The following CFAP65 variants were observed in gnomAD, a reference collection of about 807,000 sequenced individuals.
CFAP65 encodes cilia and flagella associated protein 65.
CFAP65 carries 155 observed loss-of-function variants against 208.0 expected under a neutral mutation model. That is an observed-to-expected ratio of 0.75 (90% confidence interval 0.65 to 0.85). The LOEUF is 0.85. Among genes scored for constraint, CFAP65 ranks in the 40% least tolerant of loss-of-function variants. The pLI, the probability that CFAP65 is intolerant of heterozygous loss-of-function variation, is 0.00. For synonymous variants in CFAP65, 970 were observed against 986.3 expected (o/e 0.98, Z 0.31); for missense variants, 2,294 against 2,451.3 (o/e 0.94, Z 1.36).
chr2:219,031,083 G>A lies in CFAP65; in HGVS notation c.1015+23C>T. On this transcript the variant is annotated intron_variant, in intron 8 of 34. Transcript: ENST00000341552. The surrounding 1 kb of genome is among the most constrained non-coding windows in gnomAD (Gnocchi z 5.2). ...AAGGTGCAGGAGGGGCCAGTCTGGG[G>A]ACGGTGGGAGGTTGGGCCTCACCCA... The A allele has an allele frequency of 6.4e-7, 1 of 1,564,886 alleles. No individual in the cohort carries two copies. Among genetic ancestry groups the A allele is most frequent in the South Asian group, 1.2e-5 (1 of 85,388 alleles).
In CFAP65 at chr2:219,023,301, A is replaced by C; in HGVS notation, c.2726T>G (p.Leu909Arg). ...GACCCTCCACTCGAACTGCAGGGGC[A>C]GACGCGAGGGGTTGCGGAAGGTGAA... ...SPFTFRNPSR[L>R]PLQFEWRVSE... The change falls in exon 16 of 35, where the codon CTG becomes CGG. Residue 909 changes from leucine (L) to arginine (R), a missense_variant. Transcript: ENST00000341552. 1 of 1,613,396 alleles carries C rather than the reference A, an allele frequency of 6.2e-7. No homozygotes were observed. The highest frequency in any genetic ancestry group is 8.5e-7 in the Non-Finnish European group (1 of 1,179,888).
chr2:219,026,334 G>A (rs996306332), intron 13 of CFAP65, among the ~76,000 whole-genome samples, 175 bp from the exon 14 acceptor site: 6 of 152,140 alleles, frequency 3.9e-5, no homozygotes, highest in South Asian at 2.1e-4. Context: ...CCCCTCCTGC[G>A]GGGAGCTAGG....
chr2:219,021,315 GA>G, intron 18 of CFAP65, 35 bp from the exon 19 acceptor site: 1 of 1,528,188 alleles, frequency 6.5e-7, no homozygotes, highest in East Asian at 2.4e-5. Context: ...TCAGTGGGTA[GA>G]GGAGGCCCAG....
intron 4 of CFAP65, among the ~76,000 whole-genome samples, chr2:219,036,197 C>T (rs1948346871): frequency 6.6e-6 from 1 of 152,192 alleles, no homozygotes; most frequent in African/African-American, 2.4e-5. Context: ...GCTGTTCACC[C>T]CACCCATCCC....
rs760259585 is a variant in CFAP65, at chr2:219,021,763, A to G, written c.3130+17T>C. On this transcript the variant is annotated intron_variant, in intron 18 of 34. Transcript: ENST00000341552. ...TCCCACCTCCCCTGGCCCCAGTCCC[A>G]GCTCAGGCCCAAGTACCGAGGGGGT... 3.1e-6 allele frequency: 5 copies of G among 1,612,634 alleles called. No homozygotes were observed. The highest frequency in any genetic ancestry group is 4.2e-6 in the Non-Finnish European group (5 of 1,179,558).
At chr2:219,010,456 C>G (rs993787507) in intron 26 of CFAP65, 90 bp downstream of exon 26, 19 of 1,393,212 alleles carry the variant, frequency 1.4e-5, no homozygotes, top group Middle Eastern at 2.5e-4. Context: ...TCTCATGTCC[C>G]TCCCAGCCTC....
chr2:219,031,568 A>T lies in CFAP65; in HGVS notation c.736T>A (p.Cys246Ser). Reference protein sequence around the residue: ...RATLPCHRLICRPPSLQLPMC... With the variant: ...RATLPCHRLISRPPSLQLPMC... ...GGCAGCTGCAGGGATGGTGGGCGGC[A>T]GATCAGCCTGTGGCAGGGCAGGGTG... The change falls in exon 7 of 35, where the codon TGC (cysteine) becomes AGC (serine). Residue 246 changes from cysteine (C) to serine (S), a missense_variant. Cys to Ser is a moderately radical substitution (Grantham distance 112, BLOSUM62 -1). Coordinates refer to ENST00000341552, the MANE Select transcript of CFAP65 (RefSeq NM_194302.4). This position sits in a 1 kb window ranked among gnomAD's most constrained non-coding sequence, Gnocchi z 5.2. 1 of 1,614,220 alleles carries T rather than the reference A, an allele frequency of 6.2e-7. No individual in the cohort carries two copies. Among genetic ancestry groups the T allele is most frequent in the Non-Finnish European group, 8.5e-7 (1 of 1,180,032 alleles).
Position 219,024,237 on chromosome 2 carries a change from AC to A in CFAP65, c.2372del (p.Gly791ValfsTer18). The A allele has an allele frequency of 6.2e-7, 1 of 1,613,094 alleles. No homozygotes were observed. Among genetic ancestry groups the A allele is most frequent in the Middle Eastern group, 1.7e-4 (1 of 5,834 alleles). ...GGAGCAGGCTGCGGTAGGTGGGCTC[AC>A]CGGAGGACACTGCTGGAAATAGCTG... is the stretch of plus-strand genomic sequence containing the variant. ...VPKLFPAVSSGEPTYRSLLLV... is the reference protein window; with the variant it reads ...VPKLFPAVSSXEPTYRSLLLV... On this transcript the variant is annotated frameshift_variant, in exon 15 of 35. Transcript: ENST00000341552. LOFTEE classifies it high-confidence loss of function.
Position 219,038,582 on chromosome 2 carries a change from G to C in CFAP65, c.154-4C>G. ...AGGGAGCACTCTGAGTATGGAGCTGGGAAGAGAGCAGAGGGGAGAGGAGAC... is the reference window on the plus strand; with the variant it reads ...AGGGAGCACTCTGAGTATGGAGCTGCGAAGAGAGCAGAGGGGAGAGGAGAC... On this transcript the variant is annotated splice_polypyrimidine_tract_variant and splice_region_variant and intron_variant, in intron 3 of 34. Coordinates refer to ENST00000341552, the MANE Select transcript of CFAP65 (RefSeq NM_194302.4). 1 of 1,612,402 alleles carries C rather than the reference G, an allele frequency of 6.2e-7. No individual in the cohort carries two copies. The highest frequency in any genetic ancestry group is 1.1e-5 in the South Asian group (1 of 90,864).
intron 2 of CFAP65, 153 bp from the exon 3 acceptor site, chr2:219,039,203 A>G: frequency 3.5e-6 from 2 of 577,320 alleles, no homozygotes; most frequent in Admixed American, 3.9e-5. Flanking sequence ...GTATGCATAC[A>G]TGTCTGTTTT....
In CFAP65 at chr2:219,031,759, AG is replaced by A; in HGVS notation, c.646-102del. 7.0e-7 allele frequency: 1 copy of A among 1,424,376 alleles called. No individual in the cohort carries two copies. The highest frequency in any genetic ancestry group is 9.5e-7 in the Non-Finnish European group (1 of 1,054,424). The allele number at this position is 1,424,376 out of a possible 1,614,324, so 88.2% of individuals were successfully genotyped here. On this transcript the variant is annotated intron_variant, in intron 6 of 34. Coordinates refer to ENST00000341552, the MANE Select transcript of CFAP65 (RefSeq NM_194302.4). This position sits in a 1 kb window ranked among gnomAD's most constrained non-coding sequence, Gnocchi z 5.2. ...CACCCCCAACACAACCGCTGAGGGG[AG>A]GGCCAGGCCGTGGCACCCACGTCAG...
rs1192111611 is a variant in CFAP65 at position 219,027,983 on chromosome 2, C to T, written c.1878G>A (p.Gln626=). 6.6e-7 allele frequency: 1 copy of T among 1,518,892 alleles called. No individual in the cohort carries two copies. The highest frequency in any genetic ancestry group is 1.4e-5 in the African/African-American group (1 of 71,884). 94.1% of individuals were successfully genotyped at this position (1,518,892 alleles called of 1,614,324 possible). ...CGGTCATGGGGGGGATATAAGGGTA[C>T]TGCGGGGCCGGCATGTCCTCCAGAT... is the stretch of plus-strand genomic sequence containing the variant. ...IQDLEDMPAP[Q]YPYIPPMTEF... Residue 626 remains glutamine (Q), a synonymous_variant, in exon 13 of 35, where the codon CAG becomes CAA. Coordinates refer to ENST00000341552, the MANE Select transcript of CFAP65 (RefSeq NM_194302.4).
chr2:219,026,942 A>G (rs1229778198), intron 13 of CFAP65: 2 of 986,246 alleles, frequency 2.0e-6, no homozygotes, highest in Admixed American at 6.1e-5. Context: ...CGTGGTCCCA[A>G]GTTTAGAGAT....
At chr2:219,017,377 C>G (rs1010913081) in intron 21 of CFAP65, among the ~76,000 whole-genome samples, 3 of 152,208 alleles carry the variant, frequency 2.0e-5, no homozygotes, top group Non-Finnish European at 1.5e-5. Context: ...GGAGCTCCCC[C>G]TCCCACTTGG....
rs771704295 is a variant in CFAP65 at position 219,003,204 on chromosome 2, G to A, written c.5624C>T (p.Ala1875Val). The A allele has an allele frequency of 3.2e-6, 5 of 1,548,350 alleles. No homozygotes were observed. In the East Asian group the frequency reaches 1.2e-4, roughly 38 times the overall value. The change falls in exon 34 of 35, where the codon GCG becomes GTG. Residue 1875 changes from alanine (A) to valine (V), a missense_variant. Transcript: ENST00000341552. This position sits in a 1 kb window ranked among gnomAD's most constrained non-coding sequence, Gnocchi z 4.4. The part of the protein sequence containing the change: ...ENMIQNILVE[A>V]SRGEVVLTSR... ...GGTGAGTACCACCTCCCCGCGGCTC[G>A]CCTCCACCAGGATGTTCTGGATCAT...
chr2:219,003,919 C>T lies in CFAP65; in HGVS notation c.5555+33G>A. On this transcript the variant is annotated intron_variant, in intron 33 of 34. Coordinates refer to ENST00000341552, the MANE Select transcript of CFAP65 (RefSeq NM_194302.4). This position sits in a 1 kb window ranked among gnomAD's most constrained non-coding sequence, Gnocchi z 4.4. ...CCTAGGAACCTTCTGCACTTCGCCT[C>T]CCTCCCGTCCTCACTGGGGCCTGGC... The T allele has an allele frequency of 6.3e-7, 1 of 1,585,142 alleles. No homozygotes were observed. Among genetic ancestry groups the T allele is most frequent in the Non-Finnish European group, 8.6e-7 (1 of 1,163,672 alleles).
rs1574590555 is a variant in CFAP65 at position 219,021,293 on chromosome 2, G to T, written c.3131-13C>A. 4 of 1,559,944 alleles carry T rather than the reference G, an allele frequency of 2.6e-6. No individual in the cohort carries two copies. In the South Asian group the frequency reaches 4.9e-5, roughly 19 times the overall value. On this transcript the variant is annotated splice_polypyrimidine_tract_variant and intron_variant, in intron 18 of 34. Coordinates refer to ENST00000341552, the MANE Select transcript of CFAP65 (RefSeq NM_194302.4). ...TCCAGCTGCAGAGCTGCTCAGGGAT[G>T]ATGCCGGAGGGTCAGTGGGTAGAGG...
intron 4 of CFAP65, among the ~76,000 whole-genome samples, chr2:219,037,870 G>A (rs1306456973): frequency 6.6e-6 from 1 of 152,088 alleles, no homozygotes; most frequent in African/African-American, 2.4e-5. Context: ...TCAAACCCCT[G>A]GACAGCTGCA....
chr2:219,012,087 T>A (rs187637029), intron 24 of CFAP65, among the ~76,000 whole-genome samples: 72 of 152,232 alleles, frequency 4.7e-4, no homozygotes, highest in Middle Eastern at 3.4e-3. Context: ...AACCTGCCCA[T>A]GTCTTGATCT....
Sources: gnomAD v4.1 joint callset for allele counts (sites outside exome capture counted in the v4.1 genomes callset) on GRCh38, gnomAD v4.1.1 for gene constraint, Gnocchi (gnomAD v3.1) non-coding constraint, MANE v1.5 for transcripts, NCBI Gene and HGNC (gene_info 2026-07-23, HGNC 2026-07-21) for gene names.